GPD2: variants seen among roughly 807,000 people sequenced by gnomAD.
GPD2 encodes glycerol-3-phosphate dehydrogenase 2.
Under a neutral mutation model 82.4 loss-of-function variants are expected in GPD2, and 54 were observed. The ratio of observed to expected loss-of-function variants is 0.66; its 90% confidence interval spans 0.53 to 0.82. The LOEUF (loss-of-function observed/expected upper bound fraction) is 0.82. Ranked by LOEUF, GPD2 falls within the 40% of genes least tolerant of loss-of-function variation. GPD2 has a pLI of 0.00. For synonymous variants in GPD2, 288 were observed against 306.1 expected (o/e 0.94, Z 0.62); for missense variants, 748 against 896.2 (o/e 0.83, Z 2.11).
At chr2:156,480,253 G>A (rs1448512630) in intron 2 of GPD2, among the ~76,000 whole-genome samples, 2 of 152,112 alleles carry the variant, frequency 1.3e-5, no homozygotes, top group South Asian at 2.1e-4. Flanking sequence ...ACCTTTTTGA[G>A]CAACAGCAGT....
At chr2:156,438,233 G>A (rs1437785239) in intron 1 of GPD2, among the ~76,000 whole-genome samples, 1 of 152,126 alleles carries the variant, frequency 6.6e-6, no homozygotes, top group Non-Finnish European at 1.5e-5. Flanking sequence ...CAAAGACTTT[G>A]GCCTTAGGTC....
At chr2:156,511,185 TA>T (rs1684985774) in intron 4 of GPD2, among the ~76,000 whole-genome samples, 1 of 152,360 alleles carries the variant, frequency 6.6e-6, no homozygotes, top group East Asian at 1.9e-4. Context: ...TGTTGCCTTT[TA>T]ACAATTGTGT....
chr2:156,448,232 C>T (rs939789959), intron 1 of GPD2, among the ~76,000 whole-genome samples: 2 of 152,076 alleles, frequency 1.3e-5, no homozygotes, highest in African/African-American at 4.8e-5. Flanking sequence ...CTCAGCCTCC[C>T]GAGTAGCTGG....
rs1688099836 is a variant in GPD2 at position 156,583,377 on chromosome 2, A to C, written c.*459A>C. ...TGGAGAAATTAAGCTTATAGACAGC[A>C]TGTGTTATTAAAAAGAGTTACCTAT... On this transcript the variant is annotated 3_prime_UTR_variant, in exon 17 of 17. Transcript: ENST00000438166. The C allele has an allele frequency of 5.3e-6, 1 of 190,180 alleles. No individual in the cohort carries two copies. The highest frequency in any genetic ancestry group is 9.2e-5 in the South Asian group (1 of 10,904). 11.8% of individuals were successfully genotyped at this position (190,180 alleles called of 1,614,324 possible).
intron 6 of GPD2, among the ~76,000 whole-genome samples, chr2:156,546,149 CAG>C (rs1686523630): frequency 6.6e-6 from 1 of 152,222 alleles, no homozygotes; most frequent in Non-Finnish European, 1.5e-5. Context: ...CAAAAGAGAA[CAG>C]AGTCGGAAAC....
rs751544316 is a variant in GPD2 at position 156,512,175 on chromosome 2, A to G, written c.400-45A>G. ...TGTCTATTTGCCATTTGAAAATATT[A>G]TGATCTGTTACTGCCAAACTAATTT... On this transcript the variant is annotated intron_variant, in intron 4 of 16. Transcript: ENST00000438166. The G allele has an allele frequency of 2.0e-5, 18 of 921,450 alleles. No homozygotes were observed. The South Asian group carries it at 2.2e-4, about 11-fold the overall frequency. The allele number at this position is 921,450 out of a possible 1,614,324, so 57.1% of individuals were successfully genotyped here. A position where few individuals can be genotyped will look rare whatever the true frequency, so the allele number is the denominator to read the frequency against.
At chr2:156,451,937 G>T (rs1198054988) in intron 1 of GPD2, among the ~76,000 whole-genome samples, 6 of 146,250 alleles carry the variant, frequency 4.1e-5, no homozygotes, top group African/African-American at 1.5e-4. Flanking sequence ...GGGCAGAGGC[G>T]CTCCTCACAT....
intron 1 of GPD2, among the ~76,000 whole-genome samples, chr2:156,454,377 C>A (rs928144766): frequency 2.6e-5 from 4 of 151,934 alleles, no homozygotes; most frequent in African/African-American, 9.7e-5. Context: ...GAATATAGGG[C>A]CATGTGTGGT....
chr2:156,533,432 T>G (rs1262114563), intron 6 of GPD2, among the ~76,000 whole-genome samples: 3 of 152,218 alleles, frequency 2.0e-5, no homozygotes, highest in Non-Finnish European at 2.9e-5. Flanking sequence ...ATTGCAGGGC[T>G]TCTTGACCAG....
At chr2:156,550,023 A>G (rs1686699018) in intron 7 of GPD2, among the ~76,000 whole-genome samples, 1 of 152,208 alleles carries the variant, frequency 6.6e-6, no homozygotes. Flanking sequence ...CCAAATTCCC[A>G]CAGCTATGAA....
In GPD2 at chr2:156,436,511, C is replaced by G. The variant is rs1016134991; in HGVS notation, c.-11C>G. Reference sequence around the variant, plus strand: ...GCCCCTCGCGCGTGAGGATCTATCTCAGGTGTGTGCTTCCTGGGAGACCCC... The same window carrying G: ...GCCCCTCGCGCGTGAGGATCTATCTGAGGTGTGTGCTTCCTGGGAGACCCC... On this transcript the variant is annotated splice_region_variant and 5_prime_UTR_variant, in exon 1 of 17. Coordinates refer to ENST00000438166, the MANE Select transcript of GPD2 (RefSeq NM_000408.5). The G allele has an allele frequency of 1.3e-5, 2 of 152,380 alleles. No individual in the cohort carries two copies. Among genetic ancestry groups the G allele is most frequent in the African/African-American group, 4.8e-5 (2 of 41,462 alleles). 9.4% of individuals were successfully genotyped at this position (152,380 alleles called of 1,614,324 possible). A position where few individuals can be genotyped will look rare whatever the true frequency, so the allele number is the denominator to read the frequency against.
chr2:156,426,068 C>T, the GPD2 span, among the ~76,000 whole-genome samples: 9 of 152,016 alleles, frequency 5.9e-5, no homozygotes, highest in East Asian at 1.9e-4. Flanking sequence ...GGACTACAGG[C>T]GCCCACCACC....
chr2:156,522,872 G>A (rs1281829853), intron 6 of GPD2, among the ~76,000 whole-genome samples: 1 of 151,692 alleles, frequency 6.6e-6, no homozygotes, highest in Non-Finnish European at 1.5e-5. Flanking sequence ...ACAAAATGAA[G>A]ATTATAGCAT....
In GPD2 at chr2:156,530,047, T is replaced by G. The variant is rs568225243; in HGVS notation, c.661+16551T>G. The stretch of plus-strand genomic sequence containing the variant: ...CCTTGGGCAGTATGGCCATTTTCAC[T>G]ATATTGATTCTTCCTACCCATGAGC... On this transcript the variant is annotated intron_variant, in intron 6 of 16. Transcript: ENST00000438166. Among the ~76,000 whole-genome samples, 711 of 149,778 alleles carry G rather than the reference T, an allele frequency of 4.7e-3. 7 individuals carry two copies. Among genetic ancestry groups the G allele is most frequent in the Middle Eastern group, 0.045 (13 of 292 alleles).
chr2:156,582,946 A>G lies in GPD2; in HGVS notation c.*28A>G. 6.2e-7 allele frequency: 1 copy of G among 1,611,334 alleles called. No homozygotes were observed. The highest frequency in any genetic ancestry group is 2.2e-5 in the East Asian group (1 of 44,816). On this transcript the variant is annotated 3_prime_UTR_variant, in exon 17 of 17. Transcript: ENST00000438166. ...CTGGGCAGTAAATCCACAGCCAACA[A>G]ACATAGAAACGACAAATCACCATGT...
the GPD2 span, among the ~76,000 whole-genome samples, chr2:156,419,168 T>C: frequency 6.9e-6 from 1 of 145,864 alleles, no homozygotes; most frequent in Non-Finnish European, 1.5e-5. Flanking sequence ...CAAGAGATTC[T>C]CCTGCCTCAG....
At chr2:156,525,613 A>G (rs1249598393) in intron 6 of GPD2, among the ~76,000 whole-genome samples, 1 of 152,218 alleles carries the variant, frequency 6.6e-6, no homozygotes. Context: ...ATTTAACGTT[A>G]TCAATCAGAC....
chr2:156,401,225 A>C, the GPD2 span, among the ~76,000 whole-genome samples: 3 of 152,204 alleles, frequency 2.0e-5, no homozygotes, highest in African/African-American at 7.2e-5. Context: ...TGCTTATAGC[A>C]AATGTGCTTT....
chr2:156,585,575 T>G lies in GPD2; in HGVS notation c.*2657T>G, dbSNP rs1428327175. 1 of 152,472 alleles carries G rather than the reference T, an allele frequency of 6.6e-6. No individual in the cohort carries two copies. Among genetic ancestry groups the G allele is most frequent in the Non-Finnish European group, 1.5e-5 (1 of 67,970 alleles). 9.4% of individuals were successfully genotyped at this position (152,472 alleles called of 1,614,324 possible). Reference sequence around the variant, plus strand: ...TCAATCAATTTATACTGAGTGTAACTTTAGGATTTCTGCTATTAAATGCAT... The same window carrying G: ...TCAATCAATTTATACTGAGTGTAACGTTAGGATTTCTGCTATTAAATGCAT... On this transcript the variant is annotated 3_prime_UTR_variant, in exon 17 of 17. Coordinates refer to ENST00000438166, the MANE Select transcript of GPD2 (RefSeq NM_000408.5).
Sources: gnomAD v4.1 joint callset for allele counts (sites outside exome capture counted in the v4.1 genomes callset) on GRCh38, gnomAD v4.1.1 for gene constraint, MANE v1.5 for transcripts, NCBI Gene and HGNC (gene_info 2026-07-23, HGNC 2026-07-21) for gene names.